The following ZNF200 variants were observed in gnomAD, a reference collection of about 807,000 sequenced individuals.
ZNF200 encodes the protein zinc finger protein 200.
In ZNF200, 35 loss-of-function variants were observed where a neutral mutation model predicts 33.6. The ratio of observed to expected loss-of-function variants is 1.04; its 90% CI spans 0.80 to 1.38. The LOEUF (loss-of-function observed/expected upper bound fraction) is 1.38. ZNF200 is among the 40% of genes most tolerant of loss of function. The probability of loss-of-function intolerance (pLI) is 0.00; values close to 1 mark genes in which losing one functional copy is unlikely to be tolerated. For synonymous variants in ZNF200, 209 were observed against 167.7 expected (o/e 1.25, Z -1.90); for missense variants, 592 against 470.6 (o/e 1.26, Z -2.39).
At position 3,232,472 on chromosome 16, in the gene ZNF200, G is replaced by A. The variant is rs751222696; in HGVS notation, c.415C>T (p.Leu139Phe). Residue 139 changes from leucine to phenylalanine, a missense_variant, in exon 4 of 5, where the codon CTC (leucine) becomes TTC (phenylalanine). By Grantham distance (22) the Leu-to-Phe change is conservative. Transcript: ENST00000414144. ...CTGTCATCTTCCTTCTCTGACGTGA[G>A]TTGTTGAGTAGGATCCAAGCTCACA... is the stretch of plus-strand genomic sequence containing the variant. Reference protein sequence around the residue: ...ECVSLDPTQQLTSEKEDDSSV... With the variant: ...ECVSLDPTQQFTSEKEDDSSV... 1 of 1,614,094 alleles carries A rather than the reference G, an allele frequency of 6.2e-7. No homozygotes were observed. Among genetic ancestry groups the A allele is most frequent in the East Asian group, 2.2e-5 (1 of 44,890 alleles).
chr16:3,233,932 A>C, intron 1 of ZNF200, 96 bp from the exon 2 acceptor site: 1 of 944,930 alleles, frequency 1.1e-6, no homozygotes, highest in South Asian at 2.0e-5. Context: ...ATGAGATCTA[A>C]AGAAAACGAC....
chr16:3,231,539 G>A (rs928840156), intron 4 of ZNF200, among the ~76,000 whole-genome samples: 5 of 152,110 alleles, frequency 3.3e-5, no homozygotes, highest in African/African-American at 1.2e-4. Context: ...CTGCCTCTAG[G>A]GTTGCAACAT....
At chr16:3,226,219 A>AT (rs1166897498) in intron 4 of ZNF200, 1 of 151,108 alleles carries the variant, frequency 6.6e-6, no homozygotes, top group Non-Finnish European at 1.5e-5. Flanking sequence ...CGCCCAGCTA[A>AT]TTTTTTGTAT....
chr16:3,229,628 G>C (rs1266974784), intron 4 of ZNF200, among the ~76,000 whole-genome samples: 1 of 152,106 alleles, frequency 6.6e-6, no homozygotes, highest in African/African-American at 2.4e-5. Flanking sequence ...AAGGTTGGGA[G>C]GCCAAGGCGG....
chr16:3,233,529 A>C lies in ZNF200; in HGVS notation c.227T>G (p.Val76Gly), dbSNP rs922365001. 6.4e-7 allele frequency: 1 copy of C among 1,571,480 alleles called. No individual in the cohort carries two copies. The highest frequency in any genetic ancestry group is 1.4e-5 in the African/African-American group (1 of 73,652). Reference sequence around the variant, plus strand: ...ACCTCTGTTCTGAAGGCTTGAGCTCACATCTTTCATAATAACCAAGGTCTC... The same window carrying C: ...ACCTCTGTTCTGAAGGCTTGAGCTCCCATCTTTCATAATAACCAAGGTCTC... Reference protein sequence around the residue: ...VKETLVIMKDVSSSLQNRVHP... With the variant: ...VKETLVIMKDGSSSLQNRVHP... Residue 76 changes from valine (V) to glycine (G), a missense_variant, in exon 2 of 5, where the codon GTG becomes GGG. By Grantham distance (109) the Val-to-Gly change is moderately radical. Coordinates refer to ENST00000414144, the MANE Select transcript of ZNF200 (RefSeq NM_198088.3).
At position 3,233,743 on chromosome 16, in the gene ZNF200, T is replaced by G; in HGVS notation, c.13A>C (p.Lys5Gln). 1 of 1,611,486 alleles carries G rather than the reference T, an allele frequency of 6.2e-7. No homozygotes were observed. The highest frequency in any genetic ancestry group is 8.5e-7 in the Non-Finnish European group (1 of 1,178,840). The stretch of plus-strand genomic sequence containing the variant: ...GGCTTTGGGGGCATAGGAACCACTT[T>G]TGCAGCCATCATGCCTTGCAACCAC... MMAA[K>Q]VVPMPPKPKQ... The change falls in exon 2 of 5, where the codon AAA becomes CAA. Residue 5 changes from lysine (K) to glutamine (Q), a missense_variant. Physicochemically the swap from Lys to Gln is moderately conservative, Grantham distance 53. Coordinates refer to ENST00000414144, the MANE Select transcript of ZNF200 (RefSeq NM_198088.3).
In ZNF200 at chr16:3,232,487, C is replaced by T. The variant is rs1371531868; in HGVS notation, c.400G>A (p.Asp134Asn). 1 of 1,613,998 alleles carries T rather than the reference C, an allele frequency of 6.2e-7. No individual in the cohort carries two copies. Among genetic ancestry groups the T allele is most frequent in the African/African-American group, 1.3e-5 (1 of 74,934 alleles). The change falls in exon 4 of 5, where the codon GAT becomes AAT. Residue 134 changes from aspartate (D) to asparagine (N), a missense_variant. Transcript: ENST00000414144. ...TCTGACGTGAGTTGTTGAGTAGGAT[C>T]CAAGCTCACACATTCTTCCTGGCAG... is the stretch of plus-strand genomic sequence containing the variant. Reference protein sequence around the residue: ...FHCQEECVSLDPTQQLTSEKE... With the variant: ...FHCQEECVSLNPTQQLTSEKE...
At chr16:3,231,179 G>C (rs1427782844) in intron 4 of ZNF200, among the ~76,000 whole-genome samples, 1 of 152,126 alleles carries the variant, frequency 6.6e-6, no homozygotes, top group Non-Finnish European at 1.5e-5. Flanking sequence ...TAGTCGAAGT[G>C]ATCTTGGAGG....
Position 3,224,036 on chromosome 16 carries a change from A to C in ZNF200, c.1044T>G (p.Asn348Lys). Residue 348 changes from asparagine (N) to lysine (K), a missense_variant, in exon 5 of 5, where the codon AAT becomes AAG. Transcript: ENST00000414144. Reference protein sequence around the residue: ...CPECGKTFPKNEEFVLHLQSH... With the variant: ...CPECGKTFPKKEEFVLHLQSH... Reference sequence around the variant, plus strand: ...TCTGCAGATGAAGCACAAACTCCTCATTCTTTGGGAAGGTTTTCCCACATT... The same window carrying C: ...TCTGCAGATGAAGCACAAACTCCTCCTTCTTTGGGAAGGTTTTCCCACATT... 6.2e-7 allele frequency: 1 copy of C among 1,614,144 alleles called. No homozygotes were observed. The highest frequency in any genetic ancestry group is 8.5e-7 in the Non-Finnish European group (1 of 1,180,022).
intron 4 of ZNF200, among the ~76,000 whole-genome samples, chr16:3,231,578 G>C (rs540904447): frequency 6.6e-6 from 1 of 152,342 alleles, no homozygotes; most frequent in South Asian, 2.1e-4. Context: ...GCATCTCTAA[G>C]CAAATTATAG....
Position 3,223,885 on chromosome 16 carries a change from C to T in ZNF200, c.*7G>A. 1 of 1,600,350 alleles carries T rather than the reference C, an allele frequency of 6.2e-7. No homozygotes were observed. On this transcript the variant is annotated 3_prime_UTR_variant, in exon 5 of 5. Transcript: ENST00000414144. The stretch of plus-strand genomic sequence containing the variant: ...AGCACCATCAGACCCAGAAAGGGTT[C>T]CCAGTATTACTTCTGCTTTCGGGTC...
rs1287042104 is a variant in ZNF200 at position 3,222,822 on chromosome 16, CACCTGGA to C, written c.*1063_*1069del. 6.6e-6 allele frequency: 1 copy of C among 152,240 alleles called. No homozygotes were observed. The highest frequency in any genetic ancestry group is 1.9e-4 in the East Asian group (1 of 5,198). The allele number at this position is 152,240 out of a possible 1,614,324, so 9.4% of individuals were successfully genotyped here. On this transcript the variant is annotated 3_prime_UTR_variant, in exon 5 of 5. Transcript: ENST00000414144. ...CAATTAATACCCACTACAATGAAGA[CACCTGGA>C]AACCTGTCTCTTGAGAGGCAATGTG...
intron 4 of ZNF200, 145 bp downstream of exon 4, chr16:3,232,276 T>G (rs1026886028): frequency 9.9e-7 from 1 of 1,006,234 alleles, no homozygotes; most frequent in Admixed American, 2.6e-5. Context: ...AAGGCTCTGC[T>G]ACATTGAATA....
intron 4 of ZNF200, 47 bp downstream of exon 4, chr16:3,232,374 T>C (rs748219907): frequency 4.4e-6 from 7 of 1,597,442 alleles, no homozygotes; most frequent in Admixed American, 1.7e-5. Context: ...AGGACATGCT[T>C]TTCCCAAAGC....
chr16:3,228,810 A>G (rs1958551092), intron 4 of ZNF200, among the ~76,000 whole-genome samples: 1 of 152,086 alleles, frequency 6.6e-6, no homozygotes, highest in Admixed American at 6.6e-5. Context: ...TGGGGACTGG[A>G]TTTCAACACG....
At position 3,232,444 on chromosome 16, in the gene ZNF200, C is replaced by T; in HGVS notation, c.443G>A (p.Ser148Asn). 1.9e-6 allele frequency: 3 copies of T among 1,614,080 alleles called. No individual in the cohort carries two copies. Among genetic ancestry groups the T allele is most frequent in the Non-Finnish European group, 2.5e-6 (3 of 1,179,974 alleles). ...QLTSEKEDDS[S>N]VGEMMLLAVN... ...ACCCAGTAACATCATTTCCCCGACA[C>T]TGCTGTCATCTTCCTTCTCTGACGT... is the stretch of plus-strand genomic sequence containing the variant. The change falls in exon 4 of 5, where the codon AGT (serine) becomes AAT (asparagine). Residue 148 changes from serine to asparagine, a missense_variant. Coordinates refer to ENST00000414144, the MANE Select transcript of ZNF200 (RefSeq NM_198088.3).
At chr16:3,232,982 C>T in intron 2 of ZNF200, 61 bp from the exon 3 acceptor site, 1 of 1,483,852 alleles carries the variant, frequency 6.7e-7, no homozygotes. Context: ...AGAGACTCCC[C>T]ATACCGCGAG....
In ZNF200 at chr16:3,232,488, C is replaced by T; in HGVS notation, c.399G>A (p.Leu133=). The change falls in exon 4 of 5, where the codon TTG becomes TTA. Residue 133 remains leucine, a synonymous_variant. Transcript: ENST00000414144. ...VFHCQEECVS[L]DPTQQLTSEK... Reference sequence around the variant, plus strand: ...CTGACGTGAGTTGTTGAGTAGGATCCAAGCTCACACATTCTTCCTGGCAGT... The same window carrying T: ...CTGACGTGAGTTGTTGAGTAGGATCTAAGCTCACACATTCTTCCTGGCAGT... The T allele has an allele frequency of 6.2e-7, 1 of 1,614,114 alleles. No homozygotes were observed. The highest frequency in any genetic ancestry group is 1.3e-5 in the African/African-American group (1 of 75,042).
In ZNF200 at chr16:3,222,329, GAAAC is replaced by G. The variant is rs1944973824; in HGVS notation, c.*1559_*1562del. On this transcript the variant is annotated 3_prime_UTR_variant, in exon 5 of 5. Transcript: ENST00000414144. ...AAAAAGACCAATAGGCAGAAGGCAA[GAAAC>G]AAAAACTATTCTTTGTAGATGGTGT... is the stretch of plus-strand genomic sequence containing the variant. 6.6e-6 allele frequency: 1 copy of G among 152,136 alleles called. No homozygotes were observed. Among genetic ancestry groups the G allele is most frequent in the African/African-American group, 2.4e-5 (1 of 41,430 alleles). 9.4% of individuals were successfully genotyped at this position (152,136 alleles called of 1,614,324 possible).
Sources: allele counts gnomAD v4.1 joint callset (sites outside exome capture counted in the v4.1 genomes callset), GRCh38; gene constraint gnomAD v4.1.1; transcripts MANE v1.5; gene names NCBI Gene and HGNC (gene_info 2026-07-23, HGNC 2026-07-21).